CFI: variants seen among roughly 807,000 people sequenced by gnomAD.
CFI encodes the protein complement factor I.
In CFI, 66 loss-of-function variants were observed where a neutral mutation model predicts 78.8. That is an observed-to-expected ratio of 0.84 (90% CI 0.69 to 1.03). CFI has a LOEUF of 1.03. Ranked by LOEUF, CFI falls within the 50% of genes least tolerant of loss-of-function variation. CFI has a pLI of 0.00. For missense variants in CFI, 706 were observed against 704.5 expected (o/e 1.00, Z -0.02); for synonymous variants, 250 against 232.6 (o/e 1.07, Z -0.68).
At chr4:109,768,440 C>T (rs189363425) in intron 1 of CFI, among the ~76,000 whole-genome samples, 31 of 151,282 alleles carry the variant, frequency 2.0e-4, no homozygotes, top group African/African-American at 6.3e-4. Flanking sequence ...CCTCCTGAAA[C>T]GTGAATTTCC....
At position 109,746,520 on chromosome 4, in the gene CFI, A is replaced by G; in HGVS notation, c.1149-18T>C. 2 of 1,559,298 alleles carry G rather than the reference A, an allele frequency of 1.3e-6. No homozygotes were observed. The highest frequency in any genetic ancestry group is 8.7e-7 in the Non-Finnish European group (1 of 1,149,828). ...TACTGGCTCTATAACAGAAAAAAAA[A>G]GGAAATAAAATATATTGAGAAAAAA... On this transcript the variant is annotated intron_variant, in intron 10 of 12. Coordinates refer to ENST00000394634, the MANE Select transcript of CFI (RefSeq NM_000204.5).
At chr4:109,773,291 G>A (rs988523565) in intron 1 of CFI, among the ~76,000 whole-genome samples, 2 of 152,196 alleles carry the variant, frequency 1.3e-5, no homozygotes, top group Non-Finnish European at 2.9e-5. Flanking sequence ...ACTTTGGGAG[G>A]CTGAGGCAGG....
At chr4:109,801,780 G>C in intron 1 of CFI, 135 bp downstream of exon 1, 1 of 602,436 alleles carries the variant, frequency 1.7e-6, no homozygotes. Context: ...ATTTGTTGCT[G>C]ACTATAGAGT....
At chr4:109,788,922 A>G (rs1731051852) in intron 1 of CFI, among the ~76,000 whole-genome samples, 1 of 152,026 alleles carries the variant, frequency 6.6e-6, no homozygotes, top group African/African-American at 2.4e-5. Flanking sequence ...GGCAATTGAA[A>G]CTTACCCAGA....
intron 1 of CFI, among the ~76,000 whole-genome samples, chr4:109,781,733 T>G (rs1311879883): frequency 6.6e-6 from 1 of 152,060 alleles, no homozygotes; most frequent in Non-Finnish European, 1.5e-5. Flanking sequence ...CTGATATCTT[T>G]GAAGAACACA....
chr4:109,757,118 T>C (rs995372188), intron 7 of CFI, among the ~76,000 whole-genome samples: 4 of 151,544 alleles, frequency 2.6e-5, no homozygotes, highest in African/African-American at 9.7e-5. Context: ...AAGCTCCGCC[T>C]CCCGGGTTCA....
intron 4 of CFI, 30 bp from the exon 5 acceptor site, chr4:109,760,666 T>G (rs1407469634): frequency 1.5e-6 from 2 of 1,290,522 alleles, no homozygotes; most frequent in Non-Finnish European, 2.3e-6. Context: ...TTTGTGAAAT[T>G]TATTTATGGA....
At chr4:109,756,927 AAGAAAG>A (rs1169320475) in intron 7 of CFI, among the ~76,000 whole-genome samples, 10 of 148,268 alleles carry the variant, frequency 6.7e-5, no homozygotes, top group Non-Finnish European at 1.5e-4. Context: ...GAAAGAAAGA[AAGAAAG>A]AAAGAAAGAA....
At position 109,760,570 on chromosome 4, in the gene CFI, T is replaced by C. The variant is rs1430308887; in HGVS notation, c.725A>G (p.Asp242Gly). Residue 242 changes from aspartate (D) to glycine (G), a missense_variant, in exon 5 of 13, where the codon GAT becomes GGT. Coordinates refer to ENST00000394634, the MANE Select transcript of CFI (RefSeq NM_000204.5). ...TTGGTCTCCACAATCATTGATACCATCACAGGCTTTCATCTGAGAAATGTA... is the reference window on the plus strand; with the variant it reads ...TTGGTCTCCACAATCATTGATACCACCACAGGCTTTCATCTGAGAAATGTA... ...GKYISQMKAC[D>G]GINDCGDQSD... 1 of 1,611,386 alleles carries C rather than the reference T, an allele frequency of 6.2e-7. No individual in the cohort carries two copies. Among genetic ancestry groups the C allele is most frequent in the Non-Finnish European group, 8.5e-7 (1 of 1,177,608 alleles).
intron 1 of CFI, among the ~76,000 whole-genome samples, chr4:109,783,951 G>A (rs1203874390): frequency 1.5e-4 from 23 of 151,102 alleles, no homozygotes; most frequent in Admixed American, 1.5e-3. Context: ...ACCAAATATC[G>A]TACGTTCTCA....
chr4:109,768,054 G>A (rs1314317558), intron 1 of CFI, among the ~76,000 whole-genome samples: 1 of 143,888 alleles, frequency 6.9e-6, no homozygotes, highest in Non-Finnish European at 1.5e-5. Flanking sequence ...ACACCACATC[G>A]TCTCACTCAT....
intron 7 of CFI, among the ~76,000 whole-genome samples, chr4:109,755,141 A>G (rs956221207): frequency 5.3e-5 from 8 of 152,218 alleles, no homozygotes; most frequent in Admixed American, 5.2e-4. Context: ...CAGTGAAAGA[A>G]CAGAGAAAAG....
At chr4:109,745,389 A>G (rs953599089) in intron 11 of CFI, among the ~76,000 whole-genome samples, 1 of 152,164 alleles carries the variant, frequency 6.6e-6, no homozygotes, top group African/African-American at 2.4e-5. Context: ...CAGTGTCTCA[A>G]ACTCCTGGGC....
At chr4:109,798,642 T>C (rs764538721) in intron 1 of CFI, among the ~76,000 whole-genome samples, 4 of 152,140 alleles carry the variant, frequency 2.6e-5, no homozygotes, top group Admixed American at 6.5e-5. Flanking sequence ...ATCATAATTT[T>C]TGGTTGAAAA....
intron 2 of CFI, among the ~76,000 whole-genome samples, chr4:109,765,094 C>A (rs1402191470): frequency 6.6e-6 from 1 of 152,196 alleles, no homozygotes; most frequent in South Asian, 2.1e-4. Flanking sequence ...TTTATGTATT[C>A]TCGTGTATTT....
At chr4:109,749,718 C>A (rs909900897) in intron 8 of CFI, 116 bp from the exon 9 acceptor site, 3 of 699,092 alleles carry the variant, frequency 4.3e-6, no homozygotes, top group Non-Finnish European at 5.2e-6. Context: ...ACAAGACAGG[C>A]TGGAATCATT....
chr4:109,766,664 G>A lies in CFI; in HGVS notation c.218C>T (p.Ala73Val). 6.2e-7 allele frequency: 1 copy of A among 1,614,186 alleles called. No individual in the cohort carries two copies. The highest frequency in any genetic ancestry group is 8.5e-7 in the Non-Finnish European group (1 of 1,180,024). The change falls in exon 2 of 13, where the codon GCA becomes GTA. Residue 73 changes from alanine to valine, a missense_variant. Physicochemically the swap from Ala to Val is moderately conservative, Grantham distance 64. Transcript: ENST00000394634. ...GCTTCTCCTGTTAGTTGCACACACT[G>A]CAGTGCCATTCTTTGGGCACTGATA... The part of the protein sequence containing the change: ...LPYQCPKNGT[A>V]VCATNRRSFP...
chr4:109,797,384 T>C (rs1290187971), intron 1 of CFI, among the ~76,000 whole-genome samples: 1 of 152,150 alleles, frequency 6.6e-6, no homozygotes, highest in Admixed American at 6.5e-5. Context: ...ATGCAAAAAC[T>C]GAAATTGGAC....
chr4:109,731,524 G>A, the CFI span, among the ~76,000 whole-genome samples: 1 of 152,110 alleles, frequency 6.6e-6, no homozygotes, highest in Non-Finnish European at 1.5e-5. Context: ...TATGTGCCAG[G>A]CACTTCATGA....
Sources: gnomAD v4.1 joint callset for allele counts (sites outside exome capture counted in the v4.1 genomes callset) on GRCh38, gnomAD v4.1.1 for gene constraint, MANE v1.5 for transcripts, NCBI Gene and HGNC (gene_info 2026-07-23, HGNC 2026-07-21) for gene names.